The following PRDM5 variants were observed in gnomAD, a reference collection of about 807,000 sequenced individuals.
PRDM5 encodes PR/SET domain 5.
Under a neutral mutation model 81.2 loss-of-function variants are expected in PRDM5, and 56 were observed. The ratio of observed to expected loss-of-function variants is 0.69; its 90% confidence interval spans 0.56 to 0.86. The LOEUF (loss-of-function observed/expected upper bound fraction) is 0.86. Ranked by LOEUF, PRDM5 falls within the 40% of genes least tolerant of loss-of-function variation. The probability of loss-of-function intolerance (pLI) is 0.00; values close to 1 mark genes in which losing one functional copy is unlikely to be tolerated. For missense variants in PRDM5, 697 were observed against 770.1 expected, an observed-to-expected ratio of 0.91 and a Z score of 1.12; for synonymous variants, 267 against 256.4, an observed-to-expected ratio of 1.04 and a Z score of -0.39.
chr4:120,790,720 A>G (rs188972002), intron 10 of PRDM5, among the ~76,000 whole-genome samples: 1 of 152,352 alleles, frequency 6.6e-6, no homozygotes, highest in African/African-American at 2.4e-5. Context: ...ATTTTTACAG[A>G]TACTAAAATG....
chr4:120,906,121 ACCACAAGG>A (rs1377013856), intron 2 of PRDM5, among the ~76,000 whole-genome samples: 1 of 152,002 alleles, frequency 6.6e-6, no homozygotes, highest in African/African-American at 2.4e-5. Context: ...ACAGGCACGT[ACCACAAGG>A]CCCAGATAAT....
intron 15 of PRDM5, among the ~76,000 whole-genome samples, chr4:120,708,320 G>A (rs964031840): frequency 3.9e-5 from 6 of 152,018 alleles, no homozygotes; most frequent in Non-Finnish European, 8.8e-5. Context: ...AAAAAGGAAT[G>A]ACCTACTGAT....
At chr4:120,830,419 C>T (rs1446265332) in intron 3 of PRDM5, among the ~76,000 whole-genome samples, 1 of 151,980 alleles carries the variant, frequency 6.6e-6, no homozygotes, top group Non-Finnish European at 1.5e-5. Flanking sequence ...CTTCAGATGC[C>T]ATGTGGAGCC....
intron 10 of PRDM5, among the ~76,000 whole-genome samples, chr4:120,787,007 G>A (rs1749851824): frequency 6.6e-6 from 1 of 152,104 alleles, no homozygotes; most frequent in South Asian, 2.1e-4. Context: ...CTGCTATCAC[G>A]AAGCTTTTAC....
chr4:120,805,912 G>T (rs868498028), intron 8 of PRDM5, among the ~76,000 whole-genome samples: 31 of 152,194 alleles, frequency 2.0e-4, no homozygotes, highest in African/African-American at 7.2e-4. Flanking sequence ...AAGTCAAATT[G>T]TCCGTTTGCA....
At chr4:120,833,755 A>T (rs1044708359) in intron 3 of PRDM5, among the ~76,000 whole-genome samples, 1 of 152,168 alleles carries the variant, frequency 6.6e-6, no homozygotes, top group African/African-American at 2.4e-5. Flanking sequence ...GGTACTATCC[A>T]GTTTCAGGCA....
chr4:120,809,082 T>C (rs1340822624), intron 8 of PRDM5, among the ~76,000 whole-genome samples: 2 of 152,136 alleles, frequency 1.3e-5, no homozygotes, highest in Non-Finnish European at 2.9e-5. Flanking sequence ...CGAGGAGGCA[T>C]CAAGATGGAG....
intron 2 of PRDM5, among the ~76,000 whole-genome samples, chr4:120,890,995 T>C (rs992200657): frequency 6.6e-6 from 1 of 152,218 alleles, no homozygotes; most frequent in Non-Finnish European, 1.5e-5. Context: ...CATTTGTCAA[T>C]TTTTGTTTTT....
chr4:120,752,662 C>T (rs1370529133), intron 14 of PRDM5, among the ~76,000 whole-genome samples: 1 of 152,050 alleles, frequency 6.6e-6, no homozygotes, highest in Non-Finnish European at 1.5e-5. Context: ...ATATATGAGA[C>T]AGTGGAATGA....
chr4:120,899,201 G>A (rs1457790253), intron 2 of PRDM5, among the ~76,000 whole-genome samples: 1 of 152,070 alleles, frequency 6.6e-6, no homozygotes, highest in African/African-American at 2.4e-5. Context: ...CAGAAAAAAA[G>A]CAGGGGCCAG....
At position 120,798,258 on chromosome 4, in the gene PRDM5, A is replaced by C; in HGVS notation, c.1188+9T>G. 1 of 1,515,974 alleles carries C rather than the reference A, an allele frequency of 6.6e-7. No homozygotes were observed. Among genetic ancestry groups the C allele is most frequent in the Non-Finnish European group, 8.9e-7 (1 of 1,125,760 alleles). 93.9% of individuals were successfully genotyped at this position (1,515,974 alleles called of 1,614,324 possible). On this transcript the variant is annotated intron_variant, in intron 10 of 15. Coordinates refer to ENST00000264808, the MANE Select transcript of PRDM5 (RefSeq NM_018699.4). ...CATAAAAAATAATAATAATATTAAT[A>C]AGTTTTACCTTCTTATGATTCTTGT...
At chr4:120,707,567 C>A (rs1401582456) in intron 15 of PRDM5, among the ~76,000 whole-genome samples, 1 of 149,788 alleles carries the variant, frequency 6.7e-6, no homozygotes, top group African/African-American at 2.4e-5. Context: ...AGAAAAAAAA[C>A]AAAAACAAAC....
At chr4:120,713,724 A>G (rs1043748637) in intron 14 of PRDM5, among the ~76,000 whole-genome samples, 2 of 152,156 alleles carry the variant, frequency 1.3e-5, no homozygotes, top group South Asian at 4.1e-4. Flanking sequence ...GCAGTATTTT[A>G]TTTATATCTT....
At chr4:120,721,536 T>C (rs1383913223) in intron 14 of PRDM5, among the ~76,000 whole-genome samples, 3 of 152,226 alleles carry the variant, frequency 2.0e-5, no homozygotes, top group South Asian at 4.1e-4. Flanking sequence ...ACTACTATTA[T>C]ACTCTACCAC....
chr4:120,907,439 TA>T (rs1289628657), intron 2 of PRDM5, 34 bp downstream of exon 2: 2 of 1,487,138 alleles, frequency 1.3e-6, no homozygotes, highest in Non-Finnish European at 1.9e-6. Flanking sequence ...ACAATACAAA[TA>T]TATTTTTAAC....
At chr4:120,721,974 G>C (rs1024040268) in intron 14 of PRDM5, among the ~76,000 whole-genome samples, 1 of 152,184 alleles carries the variant, frequency 6.6e-6, no homozygotes, top group Non-Finnish European at 1.5e-5. Flanking sequence ...AGAGTTGTCC[G>C]TCTTTGCAGA....
In PRDM5 at chr4:120,853,079, T is replaced by C. The variant is rs1216603149; in HGVS notation, c.300+339A>G. On this transcript the variant is annotated intron_variant, in intron 3 of 15. Coordinates refer to ENST00000264808, the MANE Select transcript of PRDM5 (RefSeq NM_018699.4). The stretch of plus-strand genomic sequence containing the variant: ...CTTTCCCAAACACTAACAGAGGGTA[T>C]AGTACTATGAACAAAATAAACTATC... 4.6e-5 allele frequency among the ~76,000 whole-genome samples: 7 copies of C among 152,114 alleles called. No homozygotes were observed. In the East Asian group the frequency reaches 1.2e-3, roughly 25 times the overall value.
intron 7 of PRDM5, among the ~76,000 whole-genome samples, chr4:120,814,486 CT>C (rs887894267): frequency 9.2e-5 from 14 of 152,166 alleles, no homozygotes; most frequent in African/African-American, 3.4e-4. Flanking sequence ...GCTAAGTATG[CT>C]TCTAGGAGCT....
intron 10 of PRDM5, among the ~76,000 whole-genome samples, chr4:120,793,716 C>CAT (rs1750920507): frequency 1.3e-5 from 2 of 152,154 alleles, no homozygotes; most frequent in South Asian, 4.1e-4. Context: ...AGCTAATTAA[C>CAT]ATATCCATTA....
Sources: allele counts gnomAD v4.1 joint callset (sites outside exome capture counted in the v4.1 genomes callset), GRCh38; gene constraint gnomAD v4.1.1; transcripts MANE v1.5; gene names NCBI Gene and HGNC (gene_info 2026-07-23, HGNC 2026-07-21).